The following CFAP74 variants were observed in gnomAD, a reference collection of about 807,000 sequenced individuals.
CFAP74 encodes the protein cilia- and flagella-associated protein 74.
A neutral mutation model predicts 188.9 loss-of-function variants in CFAP74; 124 were observed. The ratio of observed to expected loss-of-function variants is 0.66; its 90% CI spans 0.57 to 0.76. The LOEUF is 0.76. Among genes scored for constraint, CFAP74 ranks in the 30% least tolerant of loss-of-function variants. CFAP74 has a pLI of 0.00. For missense variants in CFAP74, 2,198 were observed against 2,165.2 expected, an observed-to-expected ratio of 1.02 and a Z score of -0.30; for synonymous variants, 956 against 916.7, an observed-to-expected ratio of 1.04 and a Z score of -0.77.
Position 1,930,207 on chromosome 1 carries a change from G to C in CFAP74, c.3141C>G (p.His1047Gln), listed in dbSNP as rs868282979. ...AGTGGGTCGGTGAGCTCATGCTCAG[G>C]TGAGAGTTGATGACGTACACTGTAG... ...SVATVYVINS[H>Q]LSMSSPTHSK... The change falls in exon 26 of 39, where the codon CAC becomes CAG. Residue 1047 changes from histidine to glutamine, a missense_variant. By Grantham distance (24) the His-to-Gln change is conservative (BLOSUM62 0). Transcript: ENST00000682832. 8 of 1,535,734 alleles carry C rather than the reference G, an allele frequency of 5.2e-6. No individual in the cohort carries two copies. In the Admixed American group the frequency reaches 1.4e-4, roughly 26 times the overall value.
rs535055121 is a variant in CFAP74 at position 1,997,422 on chromosome 1, C to CA, written c.-20+6278dup. 4.5e-3 allele frequency among the ~76,000 whole-genome samples: 306 copies of CA among 67,442 alleles called. 3 individuals are homozygous for CA. Among genetic ancestry groups the CA allele is most frequent in the South Asian group, 0.011 (26 of 2,288 alleles). The allele number at this position is 67,442 out of a possible 152,430, so 44.2% of individuals were successfully genotyped here. A position where few individuals can be genotyped will look rare whatever the true frequency, so the allele number is the denominator to read the frequency against. ...GGGCGACAAGAGCGAAACTCCGTCT[C>CA]AAAAAAAAAAAAAAGGAAATAAAAG... On this transcript the variant is annotated intron_variant, in intron 1 of 38. Coordinates refer to ENST00000682832, the MANE Select transcript of CFAP74 (RefSeq NM_001304360.2).
Position 1,942,210 on chromosome 1 carries a change from G to A in CFAP74, c.2487-54C>T, listed in dbSNP as rs946550727. 1.1e-5 allele frequency: 16 copies of A among 1,414,662 alleles called. No homozygotes were observed. The Admixed American group carries it at 4.0e-4, about 36-fold the overall frequency. 87.6% of individuals were successfully genotyped at this position (1,414,662 alleles called of 1,614,324 possible). On this transcript the variant is annotated intron_variant, in intron 21 of 38. Transcript: ENST00000682832. The surrounding 1 kb of genome is among the most constrained non-coding windows in gnomAD (Gnocchi z 4.3). The stretch of plus-strand genomic sequence containing the variant: ...AGGTGCCACAGTCGTGATTCTGTGT[G>A]CGCTCAATGCCTGGAGTTATTAAAA...
chr1:1,922,446 C>G, intron 38 of CFAP74, 58 bp from the exon 39 acceptor site: 1 of 1,555,300 alleles, frequency 6.4e-7, no homozygotes, highest in African/African-American at 1.4e-5. Context: ...CAGAGGAGAT[C>G]TGCTGTCTTC....
At chr1:1,974,221 C>T (rs1656289007) in intron 6 of CFAP74, 23 bp from the exon 7 acceptor site, 1 of 1,570,876 alleles carries the variant, frequency 6.4e-7, no homozygotes, top group Admixed American at 1.8e-5. Flanking sequence ...GGCAAAGCAG[C>T]TGGAGACGGG....
At chr1:1,951,168 C>A (rs780639139) in intron 18 of CFAP74, among the ~76,000 whole-genome samples, 1 of 152,134 alleles carries the variant, frequency 6.6e-6, no homozygotes, top group African/African-American at 2.4e-5. Flanking sequence ...GAAGCAGGCA[C>A]GTCTCACACA....
At position 1,923,944 on chromosome 1, in the gene CFAP74, G is replaced by C; in HGVS notation, c.4235-15C>G. Reference sequence around the variant, plus strand: ...ATTCTGCGTCCCTGCGGGTAGGGTGGGGTGCAGTTTGGCCTTCTCCACCTG... The same window carrying C: ...ATTCTGCGTCCCTGCGGGTAGGGTGCGGTGCAGTTTGGCCTTCTCCACCTG... On this transcript the variant is annotated splice_polypyrimidine_tract_variant and intron_variant, in intron 34 of 38. Transcript: ENST00000682832. The surrounding 1 kb of genome is among the most constrained non-coding windows in gnomAD (Gnocchi z 6.3). 1 of 1,600,182 alleles carries C rather than the reference G, an allele frequency of 6.2e-7. No individual in the cohort carries two copies. Among genetic ancestry groups the C allele is most frequent in the Non-Finnish European group, 8.5e-7 (1 of 1,172,900 alleles).
chr1:1,959,902 C>A, intron 15 of CFAP74, 62 bp downstream of exon 15: 1 of 1,428,226 alleles, frequency 7.0e-7, no homozygotes, highest in South Asian at 1.3e-5. Context: ...CCACCATGCC[C>A]GATCACAGGC....
chr1:1,947,144 ACCCATATCCT>A, intron 18 of CFAP74, 90 bp from the exon 19 acceptor site: 1 of 925,758 alleles, frequency 1.1e-6, no homozygotes, highest in Non-Finnish European at 1.7e-6. Context: ...CCACCTCCAA[ACCCATATCCT>A]GGGCTCTGTT....
At chr1:1,938,493 C>CAT (rs34050188) in intron 25 of CFAP74, among the ~76,000 whole-genome samples, 127,119 of 151,768 alleles carry the variant, frequency 0.84, 53,576 homozygotes, top group African/African-American at 0.93. Context: ...CACTGACAAA[C>CAT]GCACTCACAC....
chr1:1,998,852 A>G (rs939662379), intron 1 of CFAP74, among the ~76,000 whole-genome samples: 1 of 152,226 alleles, frequency 6.6e-6, no homozygotes, highest in Non-Finnish European at 1.5e-5. Flanking sequence ...ACTCTAGCCT[A>G]GGCGACAGAG....
intron 21 of CFAP74, among the ~76,000 whole-genome samples, chr1:1,943,846 T>G (rs906986244): frequency 1.3e-5 from 2 of 152,238 alleles, no homozygotes; most frequent in Non-Finnish European, 2.9e-5. Context: ...GGCAGGGCCG[T>G]GCCCTTGTGG....
In CFAP74 at chr1:1,968,704, C is replaced by T; in HGVS notation, c.1176G>A (p.Arg392=). The T allele has an allele frequency of 6.2e-7, 1 of 1,614,146 alleles. No homozygotes were observed. Among genetic ancestry groups the T allele is most frequent in the Non-Finnish European group, 8.5e-7 (1 of 1,180,000 alleles). The change falls in exon 11 of 39, where the codon AGG becomes AGA. Residue 392 remains arginine, a synonymous_variant. Transcript: ENST00000682832. The surrounding 1 kb of genome is among the most constrained non-coding windows in gnomAD (Gnocchi z 4.3). ...CAGAAATGTAGTTCCAGGTCTTGTC[C>T]CTCAGGGTCAGCCGGTGCCTGGCAC... ...PTSARHRLTL[R]DKTWNYISDF...
chr1:1,927,765 G>A lies in CFAP74; in HGVS notation c.3388-19C>T. On this transcript the variant is annotated intron_variant, in intron 27 of 38. Coordinates refer to ENST00000682832, the MANE Select transcript of CFAP74 (RefSeq NM_001304360.2). ...TTCGGAACTGTGGGGGGAGCGACTG[G>A]CTGTGGGGCTGTGCAGGGCCCTAAA... 1 of 1,546,970 alleles carries A rather than the reference G, an allele frequency of 6.5e-7. No homozygotes were observed. The highest frequency in any genetic ancestry group is 8.7e-7 in the Non-Finnish European group (1 of 1,144,980).
At position 1,947,096 on chromosome 1, in the gene CFAP74, G is replaced by A. The variant is rs1025267878; in HGVS notation, c.2177-42C>T. 3.4e-6 allele frequency: 5 copies of A among 1,454,186 alleles called. No individual in the cohort carries two copies. The Admixed American group carries it at 5.9e-5, about 17-fold the overall frequency. The allele number at this position is 1,454,186 out of a possible 1,614,324, so 90.1% of individuals were successfully genotyped here. On this transcript the variant is annotated intron_variant, in intron 18 of 38. Transcript: ENST00000682832. ...ATCCAGAGGTGAGGGTTGGCAGGGT[G>A]GAGGCAGTGTGGCCCAGGCCCCCTT...
intron 1 of CFAP74, among the ~76,000 whole-genome samples, chr1:2,002,589 G>C (rs1324233562): frequency 1.3e-5 from 2 of 151,030 alleles, no homozygotes; most frequent in Non-Finnish European, 2.9e-5. Context: ...AGAATCGCTT[G>C]AACCCAGGAG....
In CFAP74 at chr1:1,938,902, C is replaced by T. The variant is rs1653147516; in HGVS notation, c.2964G>A (p.Lys988=). The part of the protein sequence containing the change: ...LQFCVIFQPT[K]AEEHRFQLTC... The stretch of plus-strand genomic sequence containing the variant: ...TCAGTTGGAATCTGTGTTCCTCGGC[C>T]TTGGTGGGCTGGAAGATCACACAGA... Residue 988 remains lysine (K), a synonymous_variant, in exon 25 of 39, where the codon AAG becomes AAA. Coordinates refer to ENST00000682832, the MANE Select transcript of CFAP74 (RefSeq NM_001304360.2). The T allele has an allele frequency of 6.5e-7, 1 of 1,536,202 alleles. No homozygotes were observed. The highest frequency in any genetic ancestry group is 1.2e-5 in the South Asian group (1 of 84,068).
intron 1 of CFAP74, among the ~76,000 whole-genome samples, chr1:1,993,910 A>G (rs924990628): frequency 6.6e-6 from 1 of 150,394 alleles, no homozygotes; most frequent in Non-Finnish European, 1.5e-5. Flanking sequence ...TGAACCCGGG[A>G]GGCGGAGCTT....
At chr1:1,963,054 G>A (rs932938262) in intron 14 of CFAP74, among the ~76,000 whole-genome samples, 1 of 152,192 alleles carries the variant, frequency 6.6e-6, no homozygotes, top group Non-Finnish European at 1.5e-5. Context: ...AATTCAGGGA[G>A]GCAGTGCTGA....
At chr1:1,938,000 TCA>T (rs1336983793) in intron 25 of CFAP74, among the ~76,000 whole-genome samples, 3 of 151,616 alleles carry the variant, frequency 2.0e-5, no homozygotes, top group Non-Finnish European at 2.9e-5. Context: ...ACTCAAGCAC[TCA>T]CACATACAAG....
Sources: allele counts gnomAD v4.1 joint callset (sites outside exome capture counted in the v4.1 genomes callset), GRCh38; gene constraint gnomAD v4.1.1; non-coding constraint Gnocchi (gnomAD v3.1); transcripts MANE v1.5; gene names NCBI Gene and HGNC (gene_info 2026-07-23, HGNC 2026-07-21).